The following BLM variants were observed in gnomAD, a reference collection of about 807,000 sequenced individuals.
BLM encodes BLM RecQ like helicase.
In BLM, 95 loss-of-function variants were observed where a neutral mutation model predicts 135.3. The observed-to-expected ratio is 0.70, with a 90% confidence interval of 0.59 to 0.83. The LOEUF is 0.83. Among genes scored for constraint, BLM ranks in the 40% least tolerant of loss-of-function variants. BLM has a pLI of 0.00. For synonymous variants in BLM, 520 were observed against 589.2 expected, an observed-to-expected ratio of 0.88 and a Z score of 1.70; for missense variants, 1,518 against 1,663.9, an observed-to-expected ratio of 0.91 and a Z score of 1.53.
rs1060503987 is a variant in BLM at position 90,766,957 on chromosome 15, A to G, written c.2241A>G (p.Thr747=). The G allele has an allele frequency of 6.8e-6, 11 of 1,606,476 alleles. No homozygotes were observed. Among genetic ancestry groups the G allele is most frequent in the Non-Finnish European group, 9.4e-6 (11 of 1,173,994 alleles). Reference sequence around the variant, plus strand: ...GTGATAAGACTGACTCAGAAGCTACAAATATTTACCTCCAGTTATCAAAAA... The same window carrying G: ...GTGATAAGACTGACTCAGAAGCTACGAATATTTACCTCCAGTTATCAAAAA... ...LTGDKTDSEA[T]NIYLQLSKKD... is the part of the protein sequence containing the mutation. Residue 747 remains threonine, a synonymous_variant, in exon 10 of 22, where the codon ACA becomes ACG. Coordinates refer to ENST00000355112, the MANE Select transcript of BLM (RefSeq NM_000057.4).
chr15:90,784,715 T>C (rs1269180772), intron 13 of BLM, among the ~76,000 whole-genome samples: 1 of 151,862 alleles, frequency 6.6e-6, no homozygotes, highest in East Asian at 1.9e-4. Context: ...CACGAGTCAT[T>C]AGCAGCGACA....
At chr15:90,739,740 A>AT (rs1895315281) in intron 1 of BLM, among the ~76,000 whole-genome samples, 3 of 152,142 alleles carry the variant, frequency 2.0e-5, no homozygotes, top group Admixed American at 2.0e-4. Flanking sequence ...GGCATTTTAA[A>AT]TAACAGCTGT....
At chr15:90,789,010 G>A (rs938153687) in intron 14 of BLM, among the ~76,000 whole-genome samples, 1 of 145,054 alleles carries the variant, frequency 6.9e-6, no homozygotes, top group Non-Finnish European at 1.5e-5. Context: ...TGCTTTAAAT[G>A]GTTATGTATA....
At chr15:90,737,430 A>G (rs1041757547) in intron 1 of BLM, among the ~76,000 whole-genome samples, 3 of 152,172 alleles carry the variant, frequency 2.0e-5, no homozygotes, top group East Asian at 3.8e-4. Flanking sequence ...CTTAGATTTT[A>G]AAGATTTTTC....
rs905435014 is a variant in BLM at position 90,782,876 on chromosome 15, G to A, written c.2610G>A (p.Lys870=). ...HNLKYYVLPK[K]PKKVAFDCLE... is the part of the protein sequence containing the mutation. ...TGAAATACTATGTATTACCGAAAAAGCCTAAAAAGGTGGCATTTGATTGCC... is the reference window on the plus strand; with the variant it reads ...TGAAATACTATGTATTACCGAAAAAACCTAAAAAGGTGGCATTTGATTGCC... The change falls in exon 13 of 22, where the codon AAG becomes AAA. Residue 870 remains lysine (K), a synonymous_variant. Coordinates refer to ENST00000355112, the MANE Select transcript of BLM (RefSeq NM_000057.4). 1.9e-6 allele frequency: 3 copies of A among 1,613,820 alleles called. No homozygotes were observed. Among genetic ancestry groups the A allele is most frequent in the African/African-American group, 2.7e-5 (2 of 74,908 alleles).
intron 12 of BLM, among the ~76,000 whole-genome samples, chr15:90,780,127 C>A (rs55968354): frequency 0.097 from 14,579 of 150,718 alleles, 885 homozygotes; most frequent in African/African-American, 0.16. Flanking sequence ...ACTCTTCGCC[C>A]AGGCTGGAGT....
In BLM at chr15:90,804,298, G is replaced by A. The variant is rs1177156588; in HGVS notation, c.3690G>A (p.Gly1230=). 1.2e-6 allele frequency: 2 copies of A among 1,614,058 alleles called. No individual in the cohort carries two copies. Among genetic ancestry groups the A allele is most frequent in the African/African-American group, 1.3e-5 (1 of 74,922 alleles). The change falls in exon 19 of 22, where the codon GGG becomes GGA. Residue 1230 remains glycine (G), a synonymous_variant. Transcript: ENST00000355112. ...GELTEVCKSL[G]KVFGVHYFNI... ...TTACAGAAGTCTGCAAATCTCTGGGGAAAGTTTTTGGTGTCCATTACTTCA... is the reference window on the plus strand; with the variant it reads ...TTACAGAAGTCTGCAAATCTCTGGGAAAAGTTTTTGGTGTCCATTACTTCA...
chr15:90,795,312 C>G (rs1897003994), intron 16 of BLM, among the ~76,000 whole-genome samples: 1 of 152,074 alleles, frequency 6.6e-6, no homozygotes, highest in African/African-American at 2.4e-5. Flanking sequence ...AACCTTGTCT[C>G]TACTAAAAAA....
At position 90,815,045 on chromosome 15, in the gene BLM, G is replaced by GAAA. The variant is rs1405701083; in HGVS notation, c.4077-57_4077-56insAAA. On this transcript the variant is annotated intron_variant, in intron 21 of 21. Transcript: ENST00000355112. The surrounding 1 kb of genome is among the most constrained non-coding windows in gnomAD (Gnocchi z 4.6). ...GTAGCTCTGTGCAGGTTGAGAGGAA[G>GAAA]GTCATTCATTTTTGGTTTCATTTAA... is the stretch of plus-strand genomic sequence containing the variant. 17 of 1,564,340 alleles carry GAAA rather than the reference G, an allele frequency of 1.1e-5. No homozygotes were observed. Among genetic ancestry groups the GAAA allele is most frequent in the African/African-American group, 5.4e-5 (4 of 73,642 alleles).
chr15:90,757,045 C>T (rs1567039002), intron 5 of BLM, among the ~76,000 whole-genome samples: 1 of 152,082 alleles, frequency 6.6e-6, no homozygotes, highest in Non-Finnish European at 1.5e-5. Context: ...GTCTAGTAAT[C>T]CTTTTAAAAA....
In BLM at chr15:90,749,476, G is replaced by A. The variant is rs769957028; in HGVS notation, c.208G>A (p.Asp70Asn). 5 of 1,613,732 alleles carry A rather than the reference G, an allele frequency of 3.1e-6. No individual in the cohort carries two copies. The highest frequency in any genetic ancestry group is 4.2e-6 in the Non-Finnish European group (5 of 1,179,660). ...AAATAAAGATGTTAATGTTACCGAA[G>A]ACTTTTCCTTCAGTGAACCTCTACC... is the stretch of plus-strand genomic sequence containing the variant. Reference protein sequence around the residue: ...LRNKDVNVTEDFSFSEPLPNT... With the variant: ...LRNKDVNVTENFSFSEPLPNT... Residue 70 changes from aspartate to asparagine, a missense_variant, in exon 3 of 22, where the codon GAC (aspartate) becomes AAC (asparagine). Physicochemically the swap from Asp to Asn is conservative, Grantham distance 23. This residue lies in a region of BLM where 724 missense variants were observed against 756.9 expected (regional missense o/e 0.96). Coordinates refer to ENST00000355112, the MANE Select transcript of BLM (RefSeq NM_000057.4).
chr15:90,718,473 T>C (rs111759141), intron 1 of BLM, among the ~76,000 whole-genome samples: 2,454 of 152,286 alleles, frequency 0.016, 72 homozygotes, highest in African/African-American at 0.056. Flanking sequence ...CACTGGTGTG[T>C]CACTGTCAAG....
chr15:90,813,393 TTTG>T (rs137989123), intron 21 of BLM, among the ~76,000 whole-genome samples: 4 of 152,028 alleles, frequency 2.6e-5, no homozygotes, highest in African/African-American at 7.2e-5. Flanking sequence ...TAAGATGGGA[TTTG>T]TTGTTGTTGT....
chr15:90,737,174 A>C (rs1356381732), intron 1 of BLM, among the ~76,000 whole-genome samples: 1 of 147,276 alleles, frequency 6.8e-6, no homozygotes, highest in African/African-American at 2.7e-5. Flanking sequence ...AACTCTTCTT[A>C]GTAGGTTTTT....
At chr15:90,744,429 G>T (rs1285555757) in intron 1 of BLM, among the ~76,000 whole-genome samples, 3 of 152,100 alleles carry the variant, frequency 2.0e-5, no homozygotes, top group Non-Finnish European at 4.4e-5. Context: ...CTGGAGTGCA[G>T]TGGCACAATC....
intron 1 of BLM, among the ~76,000 whole-genome samples, chr15:90,739,229 A>T (rs1035814199): frequency 6.6e-6 from 1 of 152,110 alleles, no homozygotes; most frequent in East Asian, 1.9e-4. Context: ...CCCCGTCTCT[A>T]CTAAAAATAC....
At chr15:90,754,690 A>T in intron 4 of BLM, 121 bp from the exon 5 acceptor site, 3 of 1,141,400 alleles carry the variant, frequency 2.6e-6, no homozygotes, top group Non-Finnish European at 3.7e-6. Context: ...TTAAAAAACT[A>T]CTTCTCTTTT....
chr15:90,765,443 C>T lies in BLM; in HGVS notation c.2193+29C>T, dbSNP rs151151679. On this transcript the variant is annotated intron_variant, in intron 9 of 21. Coordinates refer to ENST00000355112, the MANE Select transcript of BLM (RefSeq NM_000057.4). ...AGTTATAAAAATACTAATAAAAACACGCCTTAGAAACAATTAAATTTCAGT... is the reference window on the plus strand; with the variant it reads ...AGTTATAAAAATACTAATAAAAACATGCCTTAGAAACAATTAAATTTCAGT... 148 of 1,483,422 alleles carry T rather than the reference C, an allele frequency of 1.0e-4. 1 individual carries two copies. In the African/African-American group the frequency reaches 1.1e-3, roughly 11 times the overall value. 91.9% of individuals were successfully genotyped at this position (1,483,422 alleles called of 1,614,324 possible).
chr15:90,726,970 A>G (rs1315398044), intron 1 of BLM, among the ~76,000 whole-genome samples: 1 of 152,106 alleles, frequency 6.6e-6, no homozygotes, highest in Non-Finnish European at 1.5e-5. Context: ...GCTGAATCAT[A>G]TGGTAGGTCT....
Sources: allele counts gnomAD v4.1 joint callset (sites outside exome capture counted in the v4.1 genomes callset), GRCh38; gene constraint gnomAD v4.1.1; regional missense constraint gnomAD v4.1.1; non-coding constraint Gnocchi (gnomAD v3.1); transcripts MANE v1.5; gene names NCBI Gene and HGNC (gene_info 2026-07-23, HGNC 2026-07-21).